Variants in VAV2 observed in about 807,000 individuals in gnomAD.
The protein encoded by VAV2 is guanine nucleotide exchange factor VAV2.
Under a neutral mutation model 132.5 loss-of-function variants are expected in VAV2, and 67 were observed. The observed-to-expected ratio is 0.51, with a 90% confidence interval of 0.42 to 0.62. The LOEUF (loss-of-function observed/expected upper bound fraction) is 0.62. VAV2 is among the 20% of genes least tolerant of loss of function. The pLI, the probability that VAV2 is intolerant of heterozygous loss-of-function variation, is 0.00. For missense variants in VAV2, 938 were observed against 1,153.6 expected (o/e 0.81, Z 2.71); for synonymous variants, 492 against 443.5 (o/e 1.11, Z -1.37).
rs549317713 is a variant in VAV2 at position 133,879,035 on chromosome 9, C to T, written c.322-17603G>A. ...GGGAGGTGTCTCCTCAGGATCCCCC[C>T]GTTCCCCAGGCATCATCCGCCCCCA... On this transcript the variant is annotated intron_variant, in intron 2 of 29. Coordinates refer to ENST00000371850, the MANE Select transcript of VAV2 (RefSeq NM_001134398.2). The surrounding 1 kb of genome is among the most constrained non-coding windows in gnomAD (Gnocchi z 4.4). Among the ~76,000 whole-genome samples the T allele has an allele frequency of 3.9e-5, 6 of 152,316 alleles. No homozygotes were observed. The highest frequency in any genetic ancestry group is 9.6e-5 in the African/African-American group (4 of 41,576).
rs1326931685 is a variant in VAV2, at chr9:133,823,389, G to A, written c.449+10883C>T. On this transcript the variant is annotated intron_variant, in intron 4 of 29. Coordinates refer to ENST00000371850, the MANE Select transcript of VAV2 (RefSeq NM_001134398.2). The surrounding 1 kb of genome is among the most constrained non-coding windows in gnomAD (Gnocchi z 5.5). ...GGTGACCTGTGGGTTGGGTTTTGTA[G>A]AATGAATAGGAGTTGGGCAATCGAT... is the stretch of plus-strand genomic sequence containing the variant. 6.6e-6 allele frequency among the ~76,000 whole-genome samples: 1 copy of A among 152,180 alleles called. No individual in the cohort carries two copies. The highest frequency in any genetic ancestry group is 1.5e-5 in the Non-Finnish European group (1 of 68,034).
intron 4 of VAV2, among the ~76,000 whole-genome samples, chr9:133,817,809 T>C (rs996718070): frequency 3.3e-5 from 5 of 152,212 alleles, no homozygotes; most frequent in Admixed American, 1.3e-4. Context: ...GCTGAGGCTC[T>C]TCATCCGCTC....
chr9:133,961,414 G>A lies in VAV2; in HGVS notation c.205-22195C>T, dbSNP rs1841961501. On this transcript the variant is annotated intron_variant, in intron 1 of 29. Transcript: ENST00000371850. This position sits in a 1 kb window ranked among gnomAD's most constrained non-coding sequence, Gnocchi z 4.1. The stretch of plus-strand genomic sequence containing the variant: ...TGGTCAGGCTTCTGATGGGAACGGA[G>A]GTTGGGAACACCAGCATCTGGGGCT... Among the ~76,000 whole-genome samples the A allele has an allele frequency of 6.6e-6, 1 of 152,194 alleles. No individual in the cohort carries two copies. Among genetic ancestry groups the A allele is most frequent in the African/African-American group, 2.4e-5 (1 of 41,446 alleles).
intron 2 of VAV2, among the ~76,000 whole-genome samples, chr9:133,898,870 G>A (rs1564447827): frequency 7.2e-6 from 1 of 138,196 alleles, no homozygotes; most frequent in South Asian, 2.5e-4. Context: ...CTCCCAGGCT[G>A]GAGTTCAGTG....
intron 1 of VAV2, among the ~76,000 whole-genome samples, chr9:133,943,569 A>T (rs1164997871): frequency 2.0e-5 from 3 of 152,200 alleles, no homozygotes; most frequent in Non-Finnish European, 4.4e-5. Context: ...GAGTGGCCAC[A>T]GCAAGGGTCT....
intron 2 of VAV2, among the ~76,000 whole-genome samples, chr9:133,905,873 CAA>C (rs35937766): frequency 3.1e-4 from 46 of 150,670 alleles, no homozygotes; most frequent in African/African-American, 1.1e-3. Context: ...CCCATCTCTA[CAA>C]AAAAAAATAC....
intron 2 of VAV2, among the ~76,000 whole-genome samples, chr9:133,930,564 A>T (rs1288667967): frequency 2.0e-5 from 3 of 152,236 alleles, no homozygotes; most frequent in African/African-American, 7.2e-5. Context: ...AGTCAGAGGG[A>T]AGAGGGCACA....
At chr9:133,937,610 G>A (rs1439904448) in intron 2 of VAV2, among the ~76,000 whole-genome samples, 1 of 152,048 alleles carries the variant, frequency 6.6e-6, no homozygotes, top group Non-Finnish European at 1.5e-5. Context: ...CATTACCCAG[G>A]GTGCTGCAGG....
intron 7 of VAV2, 71 bp from the exon 8 acceptor site, chr9:133,807,397 G>T: frequency 6.7e-7 from 1 of 1,493,166 alleles, no homozygotes; most frequent in South Asian, 1.3e-5. Flanking sequence ...AGCTGCCAGG[G>T]GAGGGTCCCA....
chr9:133,887,153 G>A (rs1406587671), intron 2 of VAV2, among the ~76,000 whole-genome samples: 1 of 152,164 alleles, frequency 6.6e-6, no homozygotes, highest in Non-Finnish European at 1.5e-5. Context: ...TGAGGTAGGG[G>A]CCATCTGCTG....
At chr9:133,783,462 G>T in intron 19 of VAV2, 41 bp downstream of exon 19, 2 of 1,578,554 alleles carry the variant, frequency 1.3e-6, no homozygotes, top group South Asian at 2.2e-5. Flanking sequence ...GTGAGCAGGC[G>T]TGGCCAGGGA....
In VAV2 at chr9:133,788,243, C is replaced by CCCAAA; in HGVS notation, c.1407+110_1407+111insTTTGG. Reference sequence around the variant, plus strand: ...AGACGCCCACCCCAACCCACCCGGCCAGCATCAGCGGCTGACTTCGAGTCC... The same window carrying CCCAAA: ...AGACGCCCACCCCAACCCACCCGGCCCCAAAAGCATCAGCGGCTGACTTCGAGTCC... On this transcript the variant is annotated intron_variant, in intron 15 of 29. Coordinates refer to ENST00000371850, the MANE Select transcript of VAV2 (RefSeq NM_001134398.2). This position sits in a 1 kb window ranked among gnomAD's most constrained non-coding sequence, Gnocchi z 5.3. 3.8e-6 allele frequency: 5 copies of CCCAAA among 1,310,464 alleles called. No individual in the cohort carries two copies. Among genetic ancestry groups the CCCAAA allele is most frequent in the Non-Finnish European group, 5.3e-6 (5 of 948,746 alleles). 81.2% of individuals were successfully genotyped at this position (1,310,464 alleles called of 1,614,324 possible). A position where few individuals can be genotyped will look rare whatever the true frequency, so the allele number is the denominator to read the frequency against.
chr9:133,952,771 C>T (rs113556986), intron 1 of VAV2, among the ~76,000 whole-genome samples: 2,524 of 152,304 alleles, frequency 0.017, 34 homozygotes, highest in South Asian at 0.038. Flanking sequence ...TGCCTGGGGC[C>T]ACCAGAATCT....
chr9:133,853,366 G>A (rs1170679558), intron 3 of VAV2, among the ~76,000 whole-genome samples: 7 of 152,236 alleles, frequency 4.6e-5, no homozygotes, highest in Admixed American at 1.3e-4. Context: ...CCCCCAGGCT[G>A]AGCAGCAGCA....
chr9:133,866,423 A>C (rs1564418274), intron 2 of VAV2, among the ~76,000 whole-genome samples: 1 of 152,192 alleles, frequency 6.6e-6, no homozygotes, highest in South Asian at 2.1e-4. Context: ...CCGTCAAATC[A>C]CCATGAGCCT....
chr9:133,930,037 G>GAGT (rs765677677), intron 2 of VAV2, among the ~76,000 whole-genome samples: 2 of 152,246 alleles, frequency 1.3e-5, no homozygotes, highest in East Asian at 3.8e-4. Flanking sequence ...AGAAGGCCCA[G>GAGT]AGTGGTCTGA....
At chr9:133,825,163 C>A (rs2428093) in intron 4 of VAV2, among the ~76,000 whole-genome samples, 9,757 of 146,014 alleles carry the variant, frequency 0.067, 1,024 homozygotes, top group African/African-American at 0.23. Context: ...ATGCCACGGT[C>A]CAGCCAGGTG....
At chr9:133,772,285 C>T (rs1025645154) in intron 25 of VAV2, among the ~76,000 whole-genome samples, 3 of 152,214 alleles carry the variant, frequency 2.0e-5, no homozygotes, top group Non-Finnish European at 4.4e-5. Context: ...GGCTGCTCAG[C>T]TCCCCGCCTC....
chr9:133,929,281 G>A (rs1262198437), intron 2 of VAV2, among the ~76,000 whole-genome samples: 2 of 152,130 alleles, frequency 1.3e-5, no homozygotes, highest in Admixed American at 1.3e-4. Flanking sequence ...ACAGTGGTGG[G>A]TGGGTTTGTG....
Sources: allele counts gnomAD v4.1 joint callset (sites outside exome capture counted in the v4.1 genomes callset), GRCh38; gene constraint gnomAD v4.1.1; non-coding constraint Gnocchi (gnomAD v3.1); transcripts MANE v1.5; gene names NCBI Gene and HGNC (gene_info 2026-07-23, HGNC 2026-07-21).